The following ANKS1B variants were observed in gnomAD, a reference collection of about 807,000 sequenced individuals.
The protein encoded by ANKS1B is ankyrin repeat and sterile alpha motif domain-containing protein 1B.
In ANKS1B, 36 loss-of-function variants were observed where a neutral mutation model predicts 148.3. The ratio of observed to expected loss-of-function variants is 0.24; its 90% CI spans 0.19 to 0.32. The LOEUF (loss-of-function observed/expected upper bound fraction) is 0.32. Ranked by LOEUF, ANKS1B falls within the 10% of genes least tolerant of loss-of-function variation. The pLI, the probability that ANKS1B is intolerant of heterozygous loss-of-function variation, is 1.00. For synonymous variants in ANKS1B, 542 were observed against 560.8 expected (o/e 0.97, Z 0.47); for missense variants, 1,157 against 1,542.6 (o/e 0.75, Z 4.19).
At chr12:99,683,998 A>G (rs1169029549) in intron 8 of ANKS1B, among the ~76,000 whole-genome samples, 1 of 152,120 alleles carries the variant, frequency 6.6e-6, no homozygotes, top group Non-Finnish European at 1.5e-5. Flanking sequence ...CCCACAGCCA[A>G]TATTATACTG....
intron 17 of ANKS1B, among the ~76,000 whole-genome samples, chr12:98,926,718 G>A (rs960075208): frequency 2.0e-5 from 3 of 152,092 alleles, no homozygotes; most frequent in Non-Finnish European, 4.4e-5. Context: ...GTACAAAATC[G>A]GAATTGTGGA....
In ANKS1B at chr12:98,933,554, G is replaced by GT. The variant is rs202056003; in HGVS notation, c.2779-101419dup. 8.7e-3 allele frequency among the ~76,000 whole-genome samples: 1,315 copies of GT among 151,764 alleles called. 16 individuals are homozygous for GT. The highest frequency in any genetic ancestry group is 0.029 in the African/African-American group (1,205 of 41,394). Reference sequence around the variant, plus strand: ...TGGATCATGTGGTAGACATATGTTTGTTTTTTTTAAGAAACATCTATACTG... The same window carrying GT: ...TGGATCATGTGGTAGACATATGTTTGTTTTTTTTTAAGAAACATCTATACTG... On this transcript the variant is annotated intron_variant, in intron 17 of 26. Transcript: ENST00000683438.
At chr12:99,707,110 G>T (rs369824215) in intron 8 of ANKS1B, among the ~76,000 whole-genome samples, 1 of 152,020 alleles carries the variant, frequency 6.6e-6, no homozygotes, top group Non-Finnish European at 1.5e-5. Context: ...ATGAATAAAG[G>T]ATCTAACCAA....
At chr12:98,836,877 C>T (rs150053540) in intron 17 of ANKS1B, among the ~76,000 whole-genome samples, 110 of 152,262 alleles carry the variant, frequency 7.2e-4, no homozygotes, top group African/African-American at 2.4e-3. Flanking sequence ...ATTTCTGCTA[C>T]CAATTATTTG....
intron 1 of ANKS1B, among the ~76,000 whole-genome samples, chr12:99,912,499 A>G (rs918698429): frequency 6.6e-6 from 1 of 151,810 alleles, no homozygotes; most frequent in South Asian, 2.1e-4. Context: ...TTACAGGCAC[A>G]CACCACCACG....
chr12:98,739,887 C>T (rs537243469), downstream of ANKS1B, among the ~76,000 whole-genome samples: 3 of 152,302 alleles, frequency 2.0e-5, no homozygotes, highest in South Asian at 4.1e-4. Context: ...GCTGCTTCTG[C>T]TCCATGGCAG....
At position 98,851,779 on chromosome 12, in the gene ANKS1B, A is replaced by G. The variant is rs1419473038; in HGVS notation, c.2779-19643T>C. The stretch of plus-strand genomic sequence containing the variant: ...GGATGCTCATGACTATAATCCCAGC[A>G]CTTTGGGAGGCTGAGGTGGGTGGAT... On this transcript the variant is annotated intron_variant, in intron 17 of 26. Transcript: ENST00000683438. Among the ~76,000 whole-genome samples the G allele has an allele frequency of 3.9e-5, 6 of 152,102 alleles. No individual in the cohort carries two copies. In the South Asian group the frequency reaches 6.2e-4, roughly 16 times the overall value.
intron 22 of ANKS1B, among the ~76,000 whole-genome samples, chr12:98,788,552 A>C (rs2098818947): frequency 6.6e-6 from 1 of 152,198 alleles, no homozygotes; most frequent in South Asian, 2.1e-4. Context: ...AGACCAGGTG[A>C]CAAGAACAGA....
chr12:99,894,946 T>G (rs185516895), intron 1 of ANKS1B, among the ~76,000 whole-genome samples: 23 of 150,776 alleles, frequency 1.5e-4, no homozygotes, highest in African/African-American at 5.3e-4. Context: ...CTGAATGCAT[T>G]TTTGAATTAT....
chr12:99,614,482 G>A (rs1348573296), intron 9 of ANKS1B, among the ~76,000 whole-genome samples: 4 of 143,406 alleles, frequency 2.8e-5, no homozygotes, highest in Admixed American at 2.8e-4. Context: ...GAGGGAAGGG[G>A]AGGGGAGGGG....
At chr12:99,034,356 C>G (rs998886747) in intron 17 of ANKS1B, among the ~76,000 whole-genome samples, 1 of 152,070 alleles carries the variant, frequency 6.6e-6, no homozygotes, top group Non-Finnish European at 1.5e-5. Flanking sequence ...TGGTCTGTCA[C>G]CCAGGCTGGA....
downstream of ANKS1B, among the ~76,000 whole-genome samples, chr12:98,740,357 A>G (rs1252006129): frequency 6.6e-6 from 1 of 152,240 alleles, no homozygotes; most frequent in South Asian, 2.1e-4. Flanking sequence ...CTCCTCCTTT[A>G]GCACAGCCCA....
intron 17 of ANKS1B, among the ~76,000 whole-genome samples, chr12:99,032,965 G>C (rs1261656577): frequency 6.6e-6 from 1 of 152,222 alleles, no homozygotes; most frequent in Non-Finnish European, 1.5e-5. Flanking sequence ...TGATATTAAA[G>C]AGTATTTACT....
At chr12:99,795,912 T>C (rs2066194011) in intron 4 of ANKS1B, among the ~76,000 whole-genome samples, 1 of 152,074 alleles carries the variant, frequency 6.6e-6, no homozygotes, top group Non-Finnish European at 1.5e-5. Flanking sequence ...TTTCTTTTTC[T>C]TTCTTCTCAA....
At chr12:99,674,703 T>C (rs1314588210) in intron 8 of ANKS1B, among the ~76,000 whole-genome samples, 1 of 151,748 alleles carries the variant, frequency 6.6e-6, no homozygotes, top group Non-Finnish European at 1.5e-5. Flanking sequence ...TGGGAAAAAA[T>C]AGGCATTTTC....
intron 1 of ANKS1B, among the ~76,000 whole-genome samples, chr12:99,936,744 T>G (rs985846246): frequency 6.6e-6 from 1 of 152,208 alleles, no homozygotes; most frequent in Non-Finnish European, 1.5e-5. Context: ...AGCCTCTTTA[T>G]TACTTTTTTC....
At chr12:99,847,337 A>G (rs1370260878) in intron 1 of ANKS1B, among the ~76,000 whole-genome samples, 3 of 152,082 alleles carry the variant, frequency 2.0e-5, no homozygotes, top group African/African-American at 7.2e-5. Flanking sequence ...CAGGCCATAA[A>G]AAATAGAATT....
At position 98,863,963 on chromosome 12, in the gene ANKS1B, T is replaced by C. The variant is rs116936089; in HGVS notation, c.2779-31827A>G. ...TTTACCTTAGACATAAACACGAGTT[T>C]ATATTCCTGGAGGTGTCCTAGAAGC... On this transcript the variant is annotated intron_variant, in intron 17 of 26. Coordinates refer to ENST00000683438, the MANE Select transcript of ANKS1B (RefSeq NM_001352186.2). Among the ~76,000 whole-genome samples the C allele has an allele frequency of 9.6e-3, 1,459 of 152,312 alleles. 11 individuals are homozygous for C. Among genetic ancestry groups the C allele is most frequent in the Middle Eastern group, 0.014 (4 of 294 alleles).
At chr12:99,476,859 T>C (rs1423636336) in intron 10 of ANKS1B, among the ~76,000 whole-genome samples, 3 of 152,114 alleles carry the variant, frequency 2.0e-5, no homozygotes, top group Non-Finnish European at 4.4e-5. Flanking sequence ...ATTGGGCCTA[T>C]GGTCTCATCT....
Sources: allele counts gnomAD v4.1 joint callset (sites outside exome capture counted in the v4.1 genomes callset), GRCh38; gene constraint gnomAD v4.1.1; transcripts MANE v1.5; gene names NCBI Gene and HGNC (gene_info 2026-07-23, HGNC 2026-07-21).